Variants in ZNF677 observed in about 807,000 individuals in gnomAD.
ZNF677 encodes the protein zinc finger protein 677.
In ZNF677, 5 loss-of-function variants were observed where a neutral mutation model predicts 8.1. That is an observed-to-expected ratio of 0.62 (90% CI 0.32 to 1.29). ZNF677 has a LOEUF of 1.29. Among genes scored for constraint, ZNF677 ranks in the 50% most tolerant of loss-of-function variants. The probability of loss-of-function intolerance (pLI) is 0.05; values close to 1 mark genes in which losing one functional copy is unlikely to be tolerated. For missense variants in ZNF677, 685 were observed against 685.9 expected, an observed-to-expected ratio of 1.00 and a Z score of 0.01; for synonymous variants, 221 against 225.6, an observed-to-expected ratio of 0.98 and a Z score of 0.18.
intron 4 of ZNF677, 198 bp downstream of exon 4, chr19:53,243,546 T>C (rs2091088151): frequency 7.6e-6 from 5 of 654,630 alleles, no homozygotes; most frequent in Admixed American, 3.4e-5. Context: ...GAACCACCAC[T>C]CGTCAAACCT....
At position 53,242,159 on chromosome 19, in the gene ZNF677, C is replaced by T. The variant is rs181183703; in HGVS notation, c.169+1585G>A. On this transcript the variant is annotated intron_variant, in intron 4 of 4. Transcript: ENST00000598513. ...GTTAGTCAGGCTGGTCTCGAACTCC[C>T]GACCTCAGGTGATCTGCCCACCTCG... The T allele has an allele frequency of 2.9e-3, 1,166 of 395,440 alleles. 16 individuals carry two copies. Among genetic ancestry groups the T allele is most frequent in the Admixed American group, 0.023 (526 of 22,628 alleles). 24.5% of individuals were successfully genotyped at this position (395,440 alleles called of 1,614,324 possible). A position where few individuals can be genotyped will look rare whatever the true frequency, so the allele number is the denominator to read the frequency against.
Position 53,237,519 on chromosome 19 carries a change from TA to T in ZNF677, c.1207del (p.Tyr403ThrfsTer210). 1.2e-6 allele frequency: 2 copies of T among 1,613,950 alleles called. No individual in the cohort carries two copies. The highest frequency in any genetic ancestry group is 1.7e-6 in the Non-Finnish European group (2 of 1,179,942). ...AGCTTTGCCACACTCATTACATATG[TA>T]AGGCTTCTCTCCAGTATGGATTCTC... is the stretch of plus-strand genomic sequence containing the variant. ...HKRIHTGEKP[Y>X]ICNECGKAFK... On this transcript the variant is annotated frameshift_variant, in exon 5 of 5. Transcript: ENST00000598513. LOFTEE classifies it low-confidence loss of function (END_TRUNC).
chr19:53,247,118 G>A (rs1374959618), intron 3 of ZNF677, among the ~76,000 whole-genome samples: 1 of 152,170 alleles, frequency 6.6e-6, no homozygotes, highest in Non-Finnish European at 1.5e-5. Flanking sequence ...ATTGTGGTGT[G>A]AGAATAGTTT....
At chr19:53,240,663 A>G (rs1321598896) in intron 4 of ZNF677, 1 of 152,296 alleles carries the variant, frequency 6.6e-6, no homozygotes, top group Non-Finnish European at 1.5e-5. Context: ...CAGTAAAGAG[A>G]TCAGTGGTTG....
chr19:53,239,168 C>T (rs552741828), intron 4 of ZNF677: 1 of 152,052 alleles, frequency 6.6e-6, no homozygotes, highest in African/African-American at 2.4e-5. Context: ...GGTTCTATTG[C>T]ATAATATATA....
rs1400363147 is a variant in ZNF677, at chr19:53,236,376, T to C, written c.*596A>G. 6.6e-6 allele frequency: 1 copy of C among 152,150 alleles called. No individual in the cohort carries two copies. The highest frequency in any genetic ancestry group is 2.4e-5 in the African/African-American group (1 of 41,434). 9.4% of individuals were successfully genotyped at this position (152,150 alleles called of 1,614,324 possible). On this transcript the variant is annotated 3_prime_UTR_variant, in exon 5 of 5. Transcript: ENST00000598513. ...AACAGATTTCATACTTTTAAAAATA[T>C]GAAATAACTGAATAAAAAATTTTTA...
intron 4 of ZNF677, 176 bp downstream of exon 4, chr19:53,243,568 G>T: frequency 1.3e-6 from 1 of 774,554 alleles, no homozygotes; most frequent in Non-Finnish European, 2.0e-6. Flanking sequence ...ATTATGCGCA[G>T]AACTTCTGAA....
rs2090966483 is a variant in ZNF677, at chr19:53,235,611, C to G, written c.*1361G>C. 1 of 152,094 alleles carries G rather than the reference C, an allele frequency of 6.6e-6. No individual in the cohort carries two copies. The highest frequency in any genetic ancestry group is 2.4e-5 in the African/African-American group (1 of 41,416). 9.4% of individuals were successfully genotyped at this position (152,094 alleles called of 1,614,324 possible). On this transcript the variant is annotated 3_prime_UTR_variant, in exon 5 of 5. Transcript: ENST00000598513. ...AATCTGTGATATGCAACAGTAACTA[C>G]CTTTCAAGAGAGGGTGACTATCATT... is the stretch of plus-strand genomic sequence containing the variant.
intron 3 of ZNF677, among the ~76,000 whole-genome samples, chr19:53,245,735 C>T (rs1458645184): frequency 5.3e-5 from 8 of 152,148 alleles, no homozygotes; most frequent in South Asian, 4.2e-4. Context: ...AAAAATAGGC[C>T]GGGCGCAGTG....
chr19:53,241,540 T>C (rs947246485), intron 4 of ZNF677: 5 of 312,240 alleles, frequency 1.6e-5, no homozygotes, highest in Non-Finnish European at 2.9e-5. Flanking sequence ...ACTTGGAGAA[T>C]GCTCTTCCCA....
intron 1 of ZNF677, among the ~76,000 whole-genome samples, chr19:53,254,002 TA>T (rs1568697951): frequency 6.6e-6 from 1 of 152,204 alleles, no homozygotes; most frequent in Non-Finnish European, 1.5e-5. Flanking sequence ...CTAAGTCAGT[TA>T]ACCCTCTGGC....
chr19:53,254,233 T>C (rs2091279821), intron 1 of ZNF677, among the ~76,000 whole-genome samples: 2 of 152,004 alleles, frequency 1.3e-5, no homozygotes, highest in African/African-American at 2.4e-5. Context: ...GTGATTTTTT[T>C]CCCCCTCTCT....
chr19:53,248,242 T>C (rs745421915), intron 3 of ZNF677, among the ~76,000 whole-genome samples: 7 of 152,250 alleles, frequency 4.6e-5, no homozygotes, highest in East Asian at 1.9e-4. Flanking sequence ...TATATAGCTC[T>C]GGCTGGTTCT....
chr19:53,237,725 A>C lies in ZNF677; in HGVS notation c.1002T>G (p.Leu334=). ...CGKVCSQNSN[L]ASHQRMHTGE... Reference sequence around the variant, plus strand: ...CAGTATGCATCCTCTGATGACTTGCAAGATTTGAATTTTGACTACAGACCT... The same window carrying C: ...CAGTATGCATCCTCTGATGACTTGCCAGATTTGAATTTTGACTACAGACCT... Residue 334 remains leucine (L), a synonymous_variant, in exon 5 of 5, where the codon CTT becomes CTG. Transcript: ENST00000598513. The C allele has an allele frequency of 6.2e-7, 1 of 1,613,818 alleles. No individual in the cohort carries two copies. The highest frequency in any genetic ancestry group is 8.5e-7 in the Non-Finnish European group (1 of 1,179,870).
chr19:53,243,917 C>T lies in ZNF677; in HGVS notation c.16-20G>A, dbSNP rs1193242466. 6 of 1,557,362 alleles carry T rather than the reference C, an allele frequency of 3.9e-6. No individual in the cohort carries two copies. The Admixed American group carries it at 1.3e-4, about 33-fold the overall frequency. Reference sequence around the variant, plus strand: ...CAGTCCCTGAAATAAAAACACACTTCACCAAGTGGACACAGGAAAATTTCT... The same window carrying T: ...CAGTCCCTGAAATAAAAACACACTTTACCAAGTGGACACAGGAAAATTTCT... On this transcript the variant is annotated intron_variant, in intron 3 of 4. Coordinates refer to ENST00000598513, the MANE Select transcript of ZNF677 (RefSeq NM_182609.4).
In ZNF677 at chr19:53,252,422, G is replaced by A. The variant is rs1482043768; in HGVS notation, c.-56+664C>T. On this transcript the variant is annotated intron_variant, in intron 2 of 4. Transcript: ENST00000598513. The stretch of plus-strand genomic sequence containing the variant: ...TACCTGGAAAAGGTCTGAGTTGAGT[G>A]AGCAGAACTCAGTTGTAAATGAATG... Among the ~76,000 whole-genome samples the A allele has an allele frequency of 2.0e-5, 3 of 152,222 alleles. No homozygotes were observed. In the South Asian group the frequency reaches 6.2e-4, roughly 31 times the overall value.
chr19:53,254,745 C>T (rs2091288942), intron 1 of ZNF677, 89 bp downstream of exon 1: 1 of 152,630 alleles, frequency 6.6e-6, no homozygotes, highest in Admixed American at 6.5e-5. Context: ...GGGGTTTTAA[C>T]CTACAGGGCG....
intron 3 of ZNF677, among the ~76,000 whole-genome samples, chr19:53,248,199 A>G (rs749814071): frequency 6.6e-6 from 1 of 152,206 alleles, no homozygotes; most frequent in Non-Finnish European, 1.5e-5. Context: ...ATCGATGCTA[A>G]GTTGGCTTCA....
chr19:53,238,173 T>G lies in ZNF677; in HGVS notation c.554A>C (p.Lys185Thr). 6.2e-7 allele frequency: 1 copy of G among 1,613,534 alleles called. No individual in the cohort carries two copies. Among genetic ancestry groups the G allele is most frequent in the Non-Finnish European group, 8.5e-7 (1 of 1,179,806 alleles). The change falls in exon 5 of 5, where the codon AAG becomes ACG. Residue 185 changes from lysine (K) to threonine (T), a missense_variant. Physicochemically the swap from Lys to Thr is moderately conservative, Grantham distance 78. Transcript: ENST00000598513. ...TAATCCAATTTTATTTTCAAAACACTTCACGTATTTGTTTCCGGCATACCT... is the reference window on the plus strand; with the variant it reads ...TAATCCAATTTTATTTTCAAAACACGTCACGTATTTGTTTCCGGCATACCT... ...NIRYAGNKYV[K>T]CFENKIGLSL...
Sources: gnomAD v4.1 joint callset for allele counts (sites outside exome capture counted in the v4.1 genomes callset) on GRCh38, gnomAD v4.1.1 for gene constraint, MANE v1.5 for transcripts, NCBI Gene and HGNC (gene_info 2026-07-23, HGNC 2026-07-21) for gene names.